Variants in TBC1D22A observed in about 807,000 individuals in gnomAD.
The protein encoded by TBC1D22A is putative GTPase activator.
TBC1D22A carries 38 observed loss-of-function variants against 60.2 expected under a neutral mutation model. The ratio of observed to expected loss-of-function variants is 0.63; its 90% confidence interval spans 0.49 to 0.83. The LOEUF is 0.83. Ranked by LOEUF, TBC1D22A falls within the 40% of genes least tolerant of loss-of-function variation. The probability of loss-of-function intolerance (pLI) is 0.00; values close to 1 mark genes in which losing one functional copy is unlikely to be tolerated. For synonymous variants in TBC1D22A, 302 were observed against 281.7 expected (o/e 1.07, Z -0.72); for missense variants, 628 against 701.0 (o/e 0.90, Z 1.18).
intron 8 of TBC1D22A, among the ~76,000 whole-genome samples, chr22:46,923,035 T>C (rs1273690451): frequency 6.6e-6 from 1 of 152,232 alleles, no homozygotes; most frequent in Non-Finnish European, 1.5e-5. Flanking sequence ...CTTTTGTCCA[T>C]TCAGTGTGCT....
At chr22:47,142,855 C>CCCAT (rs1287010187) in intron 12 of TBC1D22A, among the ~76,000 whole-genome samples, 6 of 139,406 alleles carry the variant, frequency 4.3e-5, no homozygotes. Flanking sequence ...CATTCATCCA[C>CCCAT]CCATCCATCC....
intron 4 of TBC1D22A, among the ~76,000 whole-genome samples, chr22:46,831,565 G>A (rs2086311196): frequency 6.6e-6 from 1 of 152,166 alleles, no homozygotes; most frequent in African/African-American, 2.4e-5. Flanking sequence ...CCCATGGTCT[G>A]ATTGAAAAAG....
chr22:46,967,144 A>G (rs2073842185), intron 8 of TBC1D22A, among the ~76,000 whole-genome samples: 1 of 152,258 alleles, frequency 6.6e-6, no homozygotes, highest in South Asian at 2.1e-4. Flanking sequence ...ACTGTGGTTC[A>G]GTCTGTGTAA....
At chr22:46,951,653 G>T (rs1222312717) in intron 8 of TBC1D22A, among the ~76,000 whole-genome samples, 1 of 152,234 alleles carries the variant, frequency 6.6e-6, no homozygotes, top group Admixed American at 6.5e-5. Context: ...CAGCTGTCCA[G>T]TTACAGCGAG....
At chr22:46,955,154 A>G (rs903054553) in intron 8 of TBC1D22A, among the ~76,000 whole-genome samples, 1 of 152,204 alleles carries the variant, frequency 6.6e-6, no homozygotes, top group Non-Finnish European at 1.5e-5. Flanking sequence ...GCGTAGTGTT[A>G]CGTGGTATGT....
chr22:46,824,875 A>G (rs1446387832), intron 4 of TBC1D22A, among the ~76,000 whole-genome samples: 1 of 152,056 alleles, frequency 6.6e-6, no homozygotes. Context: ...GGCTTGGGAC[A>G]TGTAAAGCCT....
At chr22:46,981,643 C>T (rs973287624) in intron 9 of TBC1D22A, among the ~76,000 whole-genome samples, 1 of 152,184 alleles carries the variant, frequency 6.6e-6, no homozygotes, top group Admixed American at 6.5e-5. Context: ...TCCCTGCTGC[C>T]CTGCAAAGAA....
chr22:46,909,775 C>T (rs1004485513), intron 7 of TBC1D22A, among the ~76,000 whole-genome samples: 13 of 152,122 alleles, frequency 8.5e-5, no homozygotes, highest in African/African-American at 3.1e-4. Context: ...GAGCTGGACC[C>T]GTGCCCCGTG....
chr22:47,135,440 C>G (rs1034765134), intron 12 of TBC1D22A, among the ~76,000 whole-genome samples: 6 of 152,136 alleles, frequency 3.9e-5, no homozygotes, highest in African/African-American at 1.4e-4. Context: ...ACAAGCACAG[C>G]CTGGGGTTCA....
intron 8 of TBC1D22A, among the ~76,000 whole-genome samples, chr22:46,917,818 C>T (rs6009053): frequency 0.098 from 14,904 of 152,116 alleles, 1,493 homozygotes; most frequent in African/African-American, 0.25. Flanking sequence ...CTGTGACTGT[C>T]TGTGACTCGA....
At chr22:46,938,394 GGT>G (rs2071784325) in intron 8 of TBC1D22A, among the ~76,000 whole-genome samples, 1 of 152,166 alleles carries the variant, frequency 6.6e-6, no homozygotes, top group Non-Finnish European at 1.5e-5. Context: ...CTTCGCTCTA[GGT>G]GTGTGTAAGT....
intron 11 of TBC1D22A, among the ~76,000 whole-genome samples, chr22:47,102,636 G>A (rs1202644769): frequency 1.3e-5 from 2 of 152,180 alleles, no homozygotes; most frequent in Non-Finnish European, 2.9e-5. Context: ...ATGCCGTAAA[G>A]CTCTGTTTTC....
chr22:47,059,039 C>A (rs1401253405), intron 11 of TBC1D22A, among the ~76,000 whole-genome samples: 1 of 152,184 alleles, frequency 6.6e-6, no homozygotes, highest in Non-Finnish European at 1.5e-5. Context: ...TCATCCTGGG[C>A]ACTCCACACA....
intron 1 of TBC1D22A, among the ~76,000 whole-genome samples, chr22:46,775,134 A>G (rs1240864326): frequency 1.3e-5 from 2 of 152,240 alleles, no homozygotes; most frequent in Non-Finnish European, 2.9e-5. Flanking sequence ...TGGAGAGGAC[A>G]GGGCAGAGGA....
intron 8 of TBC1D22A, among the ~76,000 whole-genome samples, chr22:46,916,241 C>T (rs1256877020): frequency 1.3e-5 from 2 of 152,174 alleles, no homozygotes; most frequent in Non-Finnish European, 2.9e-5. Flanking sequence ...GGAGAATGTT[C>T]ATCTTCAGCA....
chr22:46,961,221 T>C (rs16996074), intron 8 of TBC1D22A, among the ~76,000 whole-genome samples: 7,201 of 152,242 alleles, frequency 0.047, 517 homozygotes, highest in African/African-American at 0.16. Flanking sequence ...CATTGTACCA[T>C]AATATTAAGA....
chr22:46,774,210 G>A (rs992217535), intron 1 of TBC1D22A: 3 of 985,450 alleles, frequency 3.0e-6, no homozygotes, highest in Admixed American at 6.1e-5. Flanking sequence ...TGCTGTGCTC[G>A]GCAGCAGAGA....
intron 9 of TBC1D22A, among the ~76,000 whole-genome samples, chr22:46,988,006 G>A (rs1602835327): frequency 6.6e-6 from 1 of 151,942 alleles, no homozygotes; most frequent in Non-Finnish European, 1.5e-5. Flanking sequence ...AATGTTCACA[G>A]CATCTTCATC....
rs2074895371 is a variant in TBC1D22A, at chr22:46,990,424, C to G, written c.1126-7210C>G. ...GGCCCCATGTGCTCCTCAGCGTCCTCCTTCAGCCCCAGCCTCCCTGTGATT... is the reference window on the plus strand; with the variant it reads ...GGCCCCATGTGCTCCTCAGCGTCCTGCTTCAGCCCCAGCCTCCCTGTGATT... On this transcript the variant is annotated intron_variant, in intron 9 of 12. Coordinates refer to ENST00000337137, the MANE Select transcript of TBC1D22A (RefSeq NM_014346.5). This position sits in a 1 kb window ranked among gnomAD's most constrained non-coding sequence, Gnocchi z 4.6. 6.6e-6 allele frequency among the ~76,000 whole-genome samples: 1 copy of G among 152,098 alleles called. No homozygotes were observed. The highest frequency in any genetic ancestry group is 1.5e-5 in the Non-Finnish European group (1 of 68,024).
Sources: gnomAD v4.1 joint callset for allele counts (sites outside exome capture counted in the v4.1 genomes callset) on GRCh38, gnomAD v4.1.1 for gene constraint, Gnocchi (gnomAD v3.1) non-coding constraint, MANE v1.5 for transcripts, NCBI Gene and HGNC (gene_info 2026-07-23, HGNC 2026-07-21) for gene names.